Variants in DDX42 observed in about 807,000 individuals in gnomAD.
DDX42 encodes DEAD-box helicase 42, also known as ATP-dependent RNA helicase DDX42.
Under a neutral mutation model 101.5 loss-of-function variants are expected in DDX42, and 22 were observed. The observed-to-expected ratio is 0.22, with a 90% CI of 0.15 to 0.31. The LOEUF is 0.31. DDX42 is among the 10% of genes least tolerant of loss of function. DDX42 has a pLI of 1.00. For synonymous variants in DDX42, 402 were observed against 401.2 expected, an observed-to-expected ratio of 1.00 and a Z score of -0.02; for missense variants, 849 against 1,199.9, an observed-to-expected ratio of 0.71 and a Z score of 4.32.
intron 10 of DDX42, 78 bp from the exon 11 acceptor site, chr17:63,809,482 T>C: frequency 8.8e-7 from 1 of 1,139,482 alleles, no homozygotes; most frequent in Non-Finnish European, 1.3e-6. Flanking sequence ...TTAGCACTTT[T>C]GCCAGGAGTG....
At chr17:63,804,307 ATT>A (rs1245870322) in intron 6 of DDX42, among the ~76,000 whole-genome samples, 1 of 152,156 alleles carries the variant, frequency 6.6e-6, no homozygotes, top group Non-Finnish European at 1.5e-5. Flanking sequence ...ATAAAAAATA[ATT>A]TAGCCAAATT....
At chr17:63,789,665 C>T (rs958434221) in intron 2 of DDX42, among the ~76,000 whole-genome samples, 1 of 147,730 alleles carries the variant, frequency 6.8e-6, no homozygotes, top group Non-Finnish European at 1.5e-5. Context: ...CCTCTGCCTC[C>T]TGGGTTCAAG....
chr17:63,799,253 T>G (rs2039731709), intron 4 of DDX42, among the ~76,000 whole-genome samples: 1 of 152,220 alleles, frequency 6.6e-6, no homozygotes. Context: ...GAAATACTTT[T>G]CACAACCGCA....
Position 63,812,111 on chromosome 17 carries a change from G to A in DDX42, c.1578G>A (p.Gly526=). 6.2e-7 allele frequency: 1 copy of A among 1,614,244 alleles called. No homozygotes were observed. The highest frequency in any genetic ancestry group is 8.5e-7 in the Non-Finnish European group (1 of 1,180,046). The part of the protein sequence containing the change: ...NNLKQEGHNL[G]LLHGDMDQSE... ...TTAAACAGGAGGGTCATAATCTTGG[G>A]CTGCTCCATGGGGATATGGATCAGA... The change falls in exon 14 of 18, where the codon GGG becomes GGA. Residue 526 remains glycine (G), a synonymous_variant. Coordinates refer to ENST00000389924, the MANE Select transcript of DDX42 (RefSeq NM_203499.3).
intron 2 of DDX42, 43 bp from the exon 3 acceptor site, chr17:63,792,369 C>T: frequency 6.3e-7 from 1 of 1,589,018 alleles, no homozygotes; most frequent in South Asian, 1.1e-5. Context: ...TTACTGACCC[C>T]AAAGTAAGCA....
At position 63,791,322 on chromosome 17, in the gene DDX42, C is replaced by T. The variant is rs150904304; in HGVS notation, c.222-1090C>T. Reference sequence around the variant, plus strand: ...GAGCATTTATTTTCTTGCTTTTTTCCTCGTTTTTTGAGAGAGTCTTGCTCT... The same window carrying T: ...GAGCATTTATTTTCTTGCTTTTTTCTTCGTTTTTTGAGAGAGTCTTGCTCT... On this transcript the variant is annotated intron_variant, in intron 2 of 17. Transcript: ENST00000389924. Among the ~76,000 whole-genome samples, 1,214 of 151,868 alleles carry T rather than the reference C, an allele frequency of 8.0e-3. 19 individuals carry two copies. The highest frequency in any genetic ancestry group is 0.028 in the African/African-American group (1,144 of 41,430).
In DDX42 at chr17:63,818,500, C is replaced by A; in HGVS notation, c.*102C>A. The A allele has an allele frequency of 9.3e-7, 1 of 1,079,316 alleles. No homozygotes were observed. Among genetic ancestry groups the A allele is most frequent in the Non-Finnish European group, 1.3e-6 (1 of 767,736 alleles). 66.9% of individuals were successfully genotyped at this position (1,079,316 alleles called of 1,614,324 possible). ...GGTTGGGGTCCAAAGTGTAAGGACC[C>A]CCTGCCCTTAGTGGAGAGCTGGAGC... On this transcript the variant is annotated 3_prime_UTR_variant, in exon 18 of 18. Transcript: ENST00000389924.
intron 8 of DDX42, among the ~76,000 whole-genome samples, chr17:63,806,991 T>A (rs183935107): frequency 6.6e-6 from 1 of 152,370 alleles, no homozygotes. Flanking sequence ...TAGCTTCTTT[T>A]TCCCATTTAT....
Position 63,774,216 on chromosome 17 carries a change from T to A in DDX42, c.-177T>A. 1 of 217,298 alleles carries A rather than the reference T, an allele frequency of 4.6e-6. No homozygotes were observed. Among genetic ancestry groups the A allele is most frequent in the Non-Finnish European group, 7.7e-6 (1 of 130,010 alleles). The allele number at this position is 217,298 out of a possible 1,614,324, so 13.5% of individuals were successfully genotyped here. A position where few individuals can be genotyped will look rare whatever the true frequency, so the allele number is the denominator to read the frequency against. On this transcript the variant is annotated 5_prime_UTR_variant, in exon 1 of 18. Coordinates refer to ENST00000389924, the MANE Select transcript of DDX42 (RefSeq NM_203499.3). ...ACGGGCCGTGAGGCGGTGGCGGTGG[T>A]GGCGGTGGCGGCGGCGGTGGTGGTG...
In DDX42 at chr17:63,787,162, C is replaced by G; in HGVS notation, c.113C>G (p.Ala38Gly). ...EPKLPQQSHS[A>G]FGATSSSSGF... is the part of the protein sequence containing the mutation. ...AAACTCCCACAGCAGTCCCACAGTG[C>G]CTTTGGGGCAACCAGCTCTTCTTCT... The change falls in exon 2 of 18, where the codon GCC (alanine) becomes GGC (glycine). Residue 38 changes from alanine (A) to glycine (G), a missense_variant. By Grantham distance (60) the Ala-to-Gly change is moderately conservative. Around this residue, in one of 5 missense-constraint regions of DDX42, gnomAD observed 92 missense variants for 106.7 expected, o/e 0.86. Coordinates refer to ENST00000389924, the MANE Select transcript of DDX42 (RefSeq NM_203499.3). 6.2e-7 allele frequency: 1 copy of G among 1,614,154 alleles called. No individual in the cohort carries two copies. The highest frequency in any genetic ancestry group is 8.5e-7 in the Non-Finnish European group (1 of 1,180,032).
intron 17 of DDX42, 120 bp downstream of exon 17, chr17:63,817,086 C>CA (rs2039985953): frequency 1.4e-6 from 1 of 727,732 alleles, no homozygotes; most frequent in Admixed American, 2.9e-5. Context: ...TTAGGGTCTT[C>CA]ACGCTGCTTG....
chr17:63,803,044 T>C (rs1444187085), intron 6 of DDX42, among the ~76,000 whole-genome samples: 2 of 152,244 alleles, frequency 1.3e-5, no homozygotes, highest in African/African-American at 4.8e-5. Flanking sequence ...TAGTAACTGA[T>C]TTTTAATATA....
rs1197197882 is a variant in DDX42, at chr17:63,818,184, C to T, written c.2603C>T (p.Ala868Val). ...GGGGAGAACAGACATGGAGGAAGCG[C>T]AGGCCGGCATGGGGAGAACCGGGGT... The part of the protein sequence containing the change: ...RHGENRHGGS[A>V]GRHGENRGAN... The change falls in exon 18 of 18, where the codon GCA (alanine) becomes GTA (valine). Residue 868 changes from alanine (A) to valine (V), a missense_variant. Ala to Val is a moderately conservative substitution (Grantham distance 64). Coordinates refer to ENST00000389924, the MANE Select transcript of DDX42 (RefSeq NM_203499.3). 1.2e-6 allele frequency: 2 copies of T among 1,613,932 alleles called. No individual in the cohort carries two copies. Among genetic ancestry groups the T allele is most frequent in the Non-Finnish European group, 1.7e-6 (2 of 1,180,010 alleles).
At chr17:63,802,881 G>T (rs1420020998) in intron 6 of DDX42, among the ~76,000 whole-genome samples, 1 of 148,304 alleles carries the variant, frequency 6.7e-6, no homozygotes, top group Non-Finnish European at 1.5e-5. Context: ...TTGCACTCCA[G>T]CCTGGGCAAT....
chr17:63,812,131 A>G lies in DDX42; in HGVS notation c.1598A>G (p.Asp533Gly). Residue 533 changes from aspartate (D) to glycine (G), a missense_variant, in exon 14 of 18, where the codon GAT becomes GGT. Physicochemically the swap from Asp to Gly is moderately conservative, Grantham distance 94 (BLOSUM62 -1). Coordinates refer to ENST00000389924, the MANE Select transcript of DDX42 (RefSeq NM_203499.3). ...HNLGLLHGDMDQSERNKVISD... is the reference protein window; with the variant it reads ...HNLGLLHGDMGQSERNKVISD... ...CTTGGGCTGCTCCATGGGGATATGGATCAGAGTGAGAGAAACAAGGTCATT... is the reference window on the plus strand; with the variant it reads ...CTTGGGCTGCTCCATGGGGATATGGGTCAGAGTGAGAGAAACAAGGTCATT... 1.2e-6 allele frequency: 2 copies of G among 1,614,270 alleles called. No homozygotes were observed. Among genetic ancestry groups the G allele is most frequent in the Non-Finnish European group, 1.7e-6 (2 of 1,180,048 alleles).
At position 63,818,011 on chromosome 17, in the gene DDX42, T is replaced by C. The variant is rs747525608; in HGVS notation, c.2430T>C (p.Tyr810=). Residue 810 remains tyrosine, a synonymous_variant, in exon 18 of 18, where the codon TAT becomes TAC. Coordinates refer to ENST00000389924, the MANE Select transcript of DDX42 (RefSeq NM_203499.3). Reference sequence around the variant, plus strand: ...GCAGCAACGGGAAAAGAGAGAGATATACTGAGAACCGGGGCAGCAGCCGTC... The same window carrying C: ...GCAGCAACGGGAAAAGAGAGAGATACACTGAGAACCGGGGCAGCAGCCGTC... ...TGGSNGKRER[Y]TENRGSSRHS... is the part of the protein sequence containing the mutation. 11 of 1,613,790 alleles carry C rather than the reference T, an allele frequency of 6.8e-6. No homozygotes were observed. Among genetic ancestry groups the C allele is most frequent in the East Asian group, 2.2e-5 (1 of 44,898 alleles).
Position 63,799,595 on chromosome 17 carries a change from T to C in DDX42, c.441T>C (p.Ile147=), listed in dbSNP as rs776295438. 2 of 1,612,832 alleles carry C rather than the reference T, an allele frequency of 1.2e-6. No individual in the cohort carries two copies. The highest frequency in any genetic ancestry group is 2.2e-5 in the East Asian group (1 of 44,870). ...TCTCCGCTTGTTTTTCCAGGGGTAT[T>C]CGAGATGACATTGAAGAGGAAGATG... ...KDKERKNVKG[I]RDDIEEEDDQ... The change falls in exon 5 of 18, where the codon ATT becomes ATC. Residue 147 remains isoleucine, a synonymous_variant. Coordinates refer to ENST00000389924, the MANE Select transcript of DDX42 (RefSeq NM_203499.3).
intron 11 of DDX42, among the ~76,000 whole-genome samples, chr17:63,810,048 A>G (rs985516260): frequency 6.6e-6 from 1 of 151,964 alleles, no homozygotes; most frequent in Admixed American, 6.6e-5. Flanking sequence ...GCCCAGTTGG[A>G]TGGAGGGAAA....
chr17:63,794,544 T>C (rs1033888727), intron 3 of DDX42, among the ~76,000 whole-genome samples: 7 of 151,798 alleles, frequency 4.6e-5, no homozygotes, highest in African/African-American at 1.7e-4. Flanking sequence ...TTAGACTATG[T>C]GCCGTAGCTC....
Sources: gnomAD v4.1 joint callset for allele counts (sites outside exome capture counted in the v4.1 genomes callset) on GRCh38, gnomAD v4.1.1 for gene constraint, gnomAD v4.1.1 regional missense constraint, MANE v1.5 for transcripts, NCBI Gene and HGNC (gene_info 2026-07-23, HGNC 2026-07-21) for gene names.